The following SCG2 variants were observed in gnomAD, a reference collection of about 807,000 sequenced individuals.
The protein encoded by SCG2 is secretogranin II.
SCG2 carries 23 observed loss-of-function variants against 49.5 expected under a neutral mutation model. That is an observed-to-expected ratio of 0.46 (90% confidence interval 0.33 to 0.66). SCG2 has a LOEUF of 0.66. Among genes scored for constraint, SCG2 ranks in the 30% least tolerant of loss-of-function variants. The probability of loss-of-function intolerance (pLI) is 0.01; values close to 1 mark genes in which losing one functional copy is unlikely to be tolerated. For missense variants in SCG2, 730 were observed against 728.2 expected (o/e 1.00, Z -0.03); for synonymous variants, 288 against 260.4 (o/e 1.11, Z -1.02).
chr2:223,599,845 A>G (rs1445213948), intron 1 of SCG2, among the ~76,000 whole-genome samples: 1 of 152,208 alleles, frequency 6.6e-6, no homozygotes, highest in Non-Finnish European at 1.5e-5. Flanking sequence ...TTACATGACC[A>G]TATATGACAA....
In SCG2 at chr2:223,597,122, T is replaced by A. The variant is rs144681207; in HGVS notation, c.*307A>T. 4.4e-6 allele frequency: 1 copy of A among 224,820 alleles called. No individual in the cohort carries two copies. Among genetic ancestry groups the A allele is most frequent in the Admixed American group, 5.3e-5 (1 of 18,884 alleles). The allele number at this position is 224,820 out of a possible 1,614,324, so 13.9% of individuals were successfully genotyped here. ...TCAATAGAATTATAGGACACTTTTT[T>A]ATCATATGTGAGCATCAACAATGCC... On this transcript the variant is annotated 3_prime_UTR_variant, in exon 2 of 2. Transcript: ENST00000305409.
Position 223,598,638 on chromosome 2 carries a change from T to C in SCG2, c.645A>G (p.Lys215=). 3.1e-6 allele frequency: 5 copies of C among 1,614,112 alleles called. No individual in the cohort carries two copies. Among genetic ancestry groups the C allele is most frequent in the Non-Finnish European group, 3.4e-6 (4 of 1,180,032 alleles). The change falls in exon 2 of 2, where the codon AAA becomes AAG. Residue 215 remains lysine, a synonymous_variant. Transcript: ENST00000305409. ...LGKLTGPNNQ[K]RERMDEEQKL... is the part of the protein sequence containing the mutation. ...TTTGCTCCTCATCCATCCTCTCACGTTTCTGGTTGTTTGGTCCTGTCAGTT... is the reference window on the plus strand; with the variant it reads ...TTTGCTCCTCATCCATCCTCTCACGCTTCTGGTTGTTTGGTCCTGTCAGTT...
rs754821461 is a variant in SCG2 at position 223,598,710 on chromosome 2, A to T, written c.573T>A (p.Thr191=). 5 of 1,613,742 alleles carry T rather than the reference A, an allele frequency of 3.1e-6. No homozygotes were observed. The South Asian group carries it at 5.5e-5, about 18-fold the overall frequency. ...RTNEIVEEQY[T]PQSLATLESV... ...ATTCCAATGTAGCAAGGCTTTGAGGAGTATATTGTTCCTCCACTATTTCAT... is the reference window on the plus strand; with the variant it reads ...ATTCCAATGTAGCAAGGCTTTGAGGTGTATATTGTTCCTCCACTATTTCAT... Residue 191 remains threonine, a synonymous_variant, in exon 2 of 2, where the codon ACT becomes ACA. Transcript: ENST00000305409.
Position 223,598,659 on chromosome 2 carries a change from C to T in SCG2, c.624G>A (p.Leu208=), listed in dbSNP as rs764316688. 1.4e-5 allele frequency: 23 copies of T among 1,613,930 alleles called. No homozygotes were observed. Among genetic ancestry groups the T allele is most frequent in the Non-Finnish European group, 1.8e-5 (21 of 1,180,052 alleles). The change falls in exon 2 of 2, where the codon CTG becomes CTA. Residue 208 remains leucine (L), a synonymous_variant. Transcript: ENST00000305409. ...LESVFQELGK[L]TGPNNQKRER... is the part of the protein sequence containing the mutation. Reference sequence around the variant, plus strand: ...CACGTTTCTGGTTGTTTGGTCCTGTCAGTTTCCCCAGCTCTTGGAAGACAG... The same window carrying T: ...CACGTTTCTGGTTGTTTGGTCCTGTTAGTTTCCCCAGCTCTTGGAAGACAG...
rs538782430 is a variant in SCG2 at position 223,600,054 on chromosome 2, A to G, written c.-14-758T>C. Among the ~76,000 whole-genome samples the G allele has an allele frequency of 2.0e-5, 3 of 152,344 alleles. No homozygotes were observed. In the East Asian group the frequency reaches 5.8e-4, roughly 29 times the overall value. On this transcript the variant is annotated intron_variant, in intron 1 of 1. Coordinates refer to ENST00000305409, the MANE Select transcript of SCG2 (RefSeq NM_003469.5). ...CTTTTTGTGTGAACGTGCTAAACCA[A>G]TAAAGTGTTTTAAAATCTCTTTGCT... is the stretch of plus-strand genomic sequence containing the variant.
chr2:223,599,041 T>C lies in SCG2; in HGVS notation c.242A>G (p.Tyr81Cys), dbSNP rs1213485165. The change falls in exon 2 of 2, where the codon TAC (tyrosine) becomes TGC (cysteine). Residue 81 changes from tyrosine (Y) to cysteine (C), a missense_variant. Transcript: ENST00000305409. ...CTGAAGGGGGACAGAGACACCTTGG[T>C]AGGGATTATAATCTGGGCTGCTTTC... is the stretch of plus-strand genomic sequence containing the variant. Reference protein sequence around the residue: ...KEESSPDYNPYQGVSVPLQQK... With the variant: ...KEESSPDYNPCQGVSVPLQQK... 6.2e-7 allele frequency: 1 copy of C among 1,614,064 alleles called. No homozygotes were observed. Among genetic ancestry groups the C allele is most frequent in the Non-Finnish European group, 8.5e-7 (1 of 1,180,038 alleles).
At position 223,598,315 on chromosome 2, in the gene SCG2, C is replaced by A. The variant is rs1317053845; in HGVS notation, c.968G>T (p.Ser323Ile). 6.2e-7 allele frequency: 1 copy of A among 1,614,142 alleles called. No homozygotes were observed. The highest frequency in any genetic ancestry group is 2.2e-5 in the East Asian group (1 of 44,890). Residue 323 changes from serine (S) to isoleucine (I), a missense_variant, in exon 2 of 2, where the codon AGT (serine) becomes ATT (isoleucine). Ser to Ile is a moderately radical substitution (Grantham distance 142). Coordinates refer to ENST00000305409, the MANE Select transcript of SCG2 (RefSeq NM_003469.5). ...ATTTTGCCCATTCTGTAACCTCCCA[C>A]TTCCTGCAGCATTTACTAACCTTTT... is the stretch of plus-strand genomic sequence containing the variant. ...YLKRLVNAAG[S>I]GRLQNGQNGE...
chr2:223,598,977 C>T lies in SCG2; in HGVS notation c.306G>A (p.Arg102=), dbSNP rs1450031691. 1 of 1,613,970 alleles carries T rather than the reference C, an allele frequency of 6.2e-7. No homozygotes were observed. The highest frequency in any genetic ancestry group is 1.3e-5 in the African/African-American group (1 of 74,866). The change falls in exon 2 of 2, where the codon AGG becomes AGA. Residue 102 remains arginine, a synonymous_variant. Transcript: ENST00000305409. ...TCCAGTCTTCTTCACTCAGTGAATC[C>T]CTCTCGGGCAAGTGGCTTTCATCGC... ...ENGDESHLPE[R]DSLSEEDWMR...
intron 1 of SCG2, among the ~76,000 whole-genome samples, 160 bp from the exon 2 acceptor site, chr2:223,599,456 A>G (rs553013964): frequency 2.6e-5 from 4 of 152,228 alleles, no homozygotes; most frequent in Non-Finnish European, 5.9e-5. Context: ...TATTTTCCAC[A>G]TGATTCCCAC....
In SCG2 at chr2:223,599,175, AAGC is replaced by A. The variant is rs757792887; in HGVS notation, c.105_107del (p.Leu36del). 3 of 1,614,026 alleles carry A rather than the reference AAGC, an allele frequency of 1.9e-6. No individual in the cohort carries two copies. Among genetic ancestry groups the A allele is most frequent in the African/African-American group, 1.3e-5 (1 of 75,022 alleles). On this transcript the variant is annotated inframe_deletion, in exon 2 of 2. Coordinates refer to ENST00000305409, the MANE Select transcript of SCG2 (RefSeq NM_003469.5). ...CCAACCTGAGGTCTGGTTCTTTCTG[AAGC>A]AGCTGGTTTCTCTGAAATGAAGCTG...
intron 1 of SCG2, among the ~76,000 whole-genome samples, chr2:223,600,470 A>T (rs895548625): frequency 6.6e-6 from 1 of 152,188 alleles, no homozygotes; most frequent in Admixed American, 6.5e-5. Context: ...TGTGTTTTAC[A>T]TTTAATATTG....
At chr2:223,601,710 A>G (rs1691393444) in intron 1 of SCG2, among the ~76,000 whole-genome samples, 1 of 152,226 alleles carries the variant, frequency 6.6e-6, no homozygotes, top group Non-Finnish European at 1.5e-5. Flanking sequence ...AACTAAAATT[A>G]GGAGATAATA....
Position 223,597,590 on chromosome 2 carries a change from C to A in SCG2, c.1693G>T (p.Val565Leu), listed in dbSNP as rs775574363. ...SSQETDKLAP[V>L]SKRFPVGPPK... ...GGCCCCACAGGGAACCTTTTGCTCA[C>A]CGGGGCCAGCTTGTCAGTCTCCTGA... The change falls in exon 2 of 2, where the codon GTG (valine) becomes TTG (leucine). Residue 565 changes from valine to leucine, a missense_variant. Coordinates refer to ENST00000305409, the MANE Select transcript of SCG2 (RefSeq NM_003469.5). 6.2e-7 allele frequency: 1 copy of A among 1,614,094 alleles called. No individual in the cohort carries two copies. Among genetic ancestry groups the A allele is most frequent in the African/African-American group, 1.3e-5 (1 of 75,022 alleles).
chr2:223,598,645 T>A lies in SCG2; in HGVS notation c.638A>T (p.Asn213Ile). 6.2e-7 allele frequency: 1 copy of A among 1,614,084 alleles called. No individual in the cohort carries two copies. The highest frequency in any genetic ancestry group is 8.5e-7 in the Non-Finnish European group (1 of 1,180,018). Residue 213 changes from asparagine (N) to isoleucine (I), a missense_variant, in exon 2 of 2, where the codon AAC becomes ATC. Asn to Ile is a moderately radical substitution (Grantham distance 149). Transcript: ENST00000305409. Reference protein sequence around the residue: ...QELGKLTGPNNQKRERMDEEQ... With the variant: ...QELGKLTGPNIQKRERMDEEQ... ...CTCATCCATCCTCTCACGTTTCTGG[T>A]TGTTTGGTCCTGTCAGTTTCCCCAG...
intron 1 of SCG2, among the ~76,000 whole-genome samples, chr2:223,599,897 G>A (rs1691364489): frequency 6.6e-6 from 1 of 152,058 alleles, no homozygotes; most frequent in Non-Finnish European, 1.5e-5. Context: ...TTACCTTCTG[G>A]GGAGTCCTAT....
At chr2:223,602,030 T>C (rs1275743983) in intron 1 of SCG2, 1 of 152,214 alleles carries the variant, frequency 6.6e-6, no homozygotes, top group Non-Finnish European at 1.5e-5. Flanking sequence ...CTTAACTTTT[T>C]CACTCTTTTT....
In SCG2 at chr2:223,597,132, G is replaced by A; in HGVS notation, c.*297C>T. 4.1e-6 allele frequency: 1 copy of A among 244,958 alleles called. No homozygotes were observed. 15.2% of individuals were successfully genotyped at this position (244,958 alleles called of 1,614,324 possible). The stretch of plus-strand genomic sequence containing the variant: ...TATAGGACACTTTTTTATCATATGT[G>A]AGCATCAACAATGCCACAGCCATTA... On this transcript the variant is annotated 3_prime_UTR_variant, in exon 2 of 2. Transcript: ENST00000305409.
rs1323705973 is a variant in SCG2, at chr2:223,597,891, T to C, written c.1392A>G (p.Pro464=). Residue 464 remains proline (P), a synonymous_variant, in exon 2 of 2, where the codon CCA becomes CCG. Coordinates refer to ENST00000305409, the MANE Select transcript of SCG2 (RefSeq NM_003469.5). ...ATCTTCCAGCACCATAAGGGAGCCT[T>C]GGCAGAACTTTCTCCTGGTTATATG... ...PNPYNQEKVL[P]RLPYGAGRSR... is the part of the protein sequence containing the mutation. The C allele has an allele frequency of 6.2e-7, 1 of 1,614,180 alleles. No individual in the cohort carries two copies. Among genetic ancestry groups the C allele is most frequent in the Non-Finnish European group, 8.5e-7 (1 of 1,180,036 alleles).
chr2:223,598,855 A>G lies in SCG2; in HGVS notation c.428T>C (p.Phe143Ser). The stretch of plus-strand genomic sequence containing the variant: ...ATAATCATCACTCATGTCCATTGGA[A>G]AGTTCTTTTCTGAATTCAAGGCATA... ...KPYALNSEKN[F>S]PMDMSDDYET... The change falls in exon 2 of 2, where the codon TTT (phenylalanine) becomes TCT (serine). Residue 143 changes from phenylalanine (F) to serine (S), a missense_variant. By Grantham distance (155) the Phe-to-Ser change is radical (BLOSUM62 -2). Transcript: ENST00000305409. The G allele has an allele frequency of 6.2e-7, 1 of 1,614,132 alleles. No homozygotes were observed. The highest frequency in any genetic ancestry group is 8.5e-7 in the Non-Finnish European group (1 of 1,180,010).
Sources: gnomAD v4.1 joint callset for allele counts (sites outside exome capture counted in the v4.1 genomes callset) on GRCh38, gnomAD v4.1.1 for gene constraint, MANE v1.5 for transcripts, NCBI Gene and HGNC (gene_info 2026-07-23, HGNC 2026-07-21) for gene names.